The following RBFOX1 variants were observed in gnomAD, a reference collection of about 807,000 sequenced individuals.
The protein encoded by RBFOX1 is RNA binding fox-1 homolog 1.
Under a neutral mutation model 57.7 loss-of-function variants are expected in RBFOX1, and 8 were observed. The ratio of observed to expected loss-of-function variants is 0.14; its 90% confidence interval spans 0.08 to 0.25. RBFOX1 has a LOEUF of 0.25. Ranked by LOEUF, RBFOX1 falls within the 10% of genes least tolerant of loss-of-function variation. The pLI is 1.00. For synonymous variants in RBFOX1, 326 were observed against 222.4 expected, an observed-to-expected ratio of 1.47 and a Z score of -4.15; for missense variants, 611 against 548.5, an observed-to-expected ratio of 1.11 and a Z score of -1.14.
At chr16:6,014,233 TTTTG>T (rs1342069632), upstream of RBFOX1, among the ~76,000 whole-genome samples, 2 of 148,208 alleles carry the variant, frequency 1.3e-5, no homozygotes, top group African/African-American at 2.4e-5. Flanking sequence ...TTGTAGCTGT[TTTTG>T]TTATCATCAT....
intron 2 of RBFOX1, among the ~76,000 whole-genome samples, chr16:6,639,702 C>G (rs1371173259): frequency 2.0e-5 from 3 of 152,106 alleles, no homozygotes; most frequent in Non-Finnish European, 4.4e-5. Flanking sequence ...TGATGAAACC[C>G]TGTCTCTACT....
At chr16:7,062,926 T>TGCTGAAG (rs2054915014) in intron 4 of RBFOX1, among the ~76,000 whole-genome samples, 1 of 103,828 alleles carries the variant, frequency 9.6e-6, no homozygotes, top group African/African-American at 3.3e-5. Context: ...TTTTTTTTTT[T>TGCTGAAG]TTGCTGAAGT....
chr16:7,485,143 T>G (rs1174478994), intron 4 of RBFOX1, among the ~76,000 whole-genome samples: 2 of 152,140 alleles, frequency 1.3e-5, no homozygotes. Context: ...TGTTTCCACC[T>G]GCTATAGACA....
At chr16:7,268,808 T>C (rs1189601967) in intron 4 of RBFOX1, among the ~76,000 whole-genome samples, 2 of 151,668 alleles carry the variant, frequency 1.3e-5, no homozygotes, top group African/African-American at 2.4e-5. Context: ...CCGAGGTGGG[T>C]GGGGCGGATC....
rs1328914887 is a variant in RBFOX1, at chr16:5,246,565, C to T, written c.219+6460C>T. On this transcript the variant is annotated intron_variant, in intron 1 of 2. Coordinates refer to the RBFOX1 transcript ENST00000585867. ...CCATGGATCTCTTGAACTTATTCTT[C>T]CTCTCTAAAAATGACATTCTGTGTC... Among the ~76,000 whole-genome samples the T allele has an allele frequency of 3.3e-5, 5 of 152,168 alleles. No homozygotes were observed. The East Asian group carries it at 9.6e-4, about 29-fold the overall frequency.
intron 2 of RBFOX1, among the ~76,000 whole-genome samples, chr16:6,563,561 T>TACTATGGTCA (rs2097213206): frequency 6.6e-6 from 1 of 152,154 alleles, no homozygotes; most frequent in Admixed American, 6.5e-5. Context: ...GATAAAAAGA[T>TACTATGGTCA]GGCTGGGTGT....
intron 3 of RBFOX1, among the ~76,000 whole-genome samples, chr16:5,635,461 G>A (rs1172157131): frequency 6.6e-6 from 1 of 152,202 alleles, no homozygotes; most frequent in Non-Finnish European, 1.5e-5. Context: ...TGAAACTAGG[G>A]CCGGGGACTG....
intron 2 of RBFOX1, among the ~76,000 whole-genome samples, chr16:6,654,102 G>C (rs1015071517): frequency 3.2e-5 from 4 of 125,408 alleles, no homozygotes; most frequent in African/African-American, 1.0e-4. Context: ...GGGCATGGCT[G>C]TTTGGGTGGA....
In RBFOX1 at chr16:6,820,620, C is replaced by A. The variant is rs143660462; in HGVS notation, c.-16+165970C>A. On this transcript the variant is annotated intron_variant, in intron 3 of 15. Coordinates refer to ENST00000550418, the MANE Select transcript of RBFOX1 (RefSeq NM_018723.4). Reference sequence around the variant, plus strand: ...GCTGCTGCAAGCCATGATCACACTACTACAGTCCAGCCTGAGTGACAGAGC... The same window carrying A: ...GCTGCTGCAAGCCATGATCACACTAATACAGTCCAGCCTGAGTGACAGAGC... Among the ~76,000 whole-genome samples the A allele has an allele frequency of 5.4e-3, 820 of 152,088 alleles. 7 individuals are homozygous for A. The highest frequency in any genetic ancestry group is 0.019 in the African/African-American group (773 of 41,438).
intron 2 of RBFOX1, among the ~76,000 whole-genome samples, chr16:6,487,673 TAAAAAAAAA>T (rs777856402): frequency 0.029 from 1,115 of 38,500 alleles, 30 homozygotes; most frequent in Non-Finnish European, 0.036. Flanking sequence ...GTGATATATG[TAAAAAAAAA>T]AAAAAAAAAA....
chr16:5,653,264 A>G (rs1329292119), intron 3 of RBFOX1, among the ~76,000 whole-genome samples: 31 of 71,010 alleles, frequency 4.4e-4, no homozygotes, highest in East Asian at 9.2e-4. Context: ...CTGGGCCTAT[A>G]TGCGGAAGGT....
chr16:5,485,343 G>A (rs11076916), intron 2 of RBFOX1, among the ~76,000 whole-genome samples: 4 of 116,162 alleles, frequency 3.4e-5, no homozygotes, highest in East Asian at 5.3e-4. Context: ...CAGACTCCGT[G>A]TCAAAAAAAA....
At chr16:7,662,570 G>T (rs543223651) in intron 12 of RBFOX1, among the ~76,000 whole-genome samples, 1 of 152,176 alleles carries the variant, frequency 6.6e-6, no homozygotes, top group Non-Finnish European at 1.5e-5. Context: ...TAGAATGTTA[G>T]TTAAGCCACA....
chr16:5,548,564 C>A (rs978570074), intron 2 of RBFOX1, among the ~76,000 whole-genome samples: 5 of 151,968 alleles, frequency 3.3e-5, no homozygotes, highest in African/African-American at 1.2e-4. Flanking sequence ...ACCCCATTCT[C>A]CATGATGTGT....
chr16:6,653,469 G>C (rs1181285697), intron 2 of RBFOX1, among the ~76,000 whole-genome samples: 2 of 152,096 alleles, frequency 1.3e-5, no homozygotes, highest in East Asian at 1.9e-4. Context: ...ATTGCTTGTG[G>C]GACTGTGTCT....
chr16:5,639,469 G>A (rs1223350487), intron 3 of RBFOX1, among the ~76,000 whole-genome samples: 1 of 152,152 alleles, frequency 6.6e-6, no homozygotes, highest in Non-Finnish European at 1.5e-5. Context: ...TTTGGAAAGT[G>A]AGAAGGCCTC....
intron 3 of RBFOX1, among the ~76,000 whole-genome samples, chr16:6,893,145 T>G (rs1404203561): frequency 6.6e-6 from 1 of 152,134 alleles, no homozygotes; most frequent in Non-Finnish European, 1.5e-5. Flanking sequence ...TGAATTGCCA[T>G]TGAAACAGCT....
intron 1 of RBFOX1, among the ~76,000 whole-genome samples, chr16:5,252,261 T>C (rs1168248005): frequency 6.6e-6 from 1 of 152,200 alleles, no homozygotes; most frequent in Non-Finnish European, 1.5e-5. Context: ...AGCTCTAGGT[T>C]GTATTTATGC....
intron 4 of RBFOX1, among the ~76,000 whole-genome samples, chr16:7,485,304 G>A (rs1324293267): frequency 6.6e-6 from 1 of 152,206 alleles, no homozygotes; most frequent in African/African-American, 2.4e-5. Flanking sequence ...ACCACGCAGT[G>A]ACTATTTAAT....
Sources: allele counts gnomAD v4.1 joint callset (sites outside exome capture counted in the v4.1 genomes callset), GRCh38; gene constraint gnomAD v4.1.1; transcripts MANE v1.5; gene names NCBI Gene and HGNC (gene_info 2026-07-23, HGNC 2026-07-21).